The following UBAC2 variants were observed in gnomAD, a reference collection of about 807,000 sequenced individuals.
The protein encoded by UBAC2 is ubiquitin-associated domain-containing protein 2.
In UBAC2, 26 loss-of-function variants were observed where a neutral mutation model predicts 44.0. The observed-to-expected ratio is 0.59, with a 90% CI of 0.43 to 0.82. The LOEUF (loss-of-function observed/expected upper bound fraction) is 0.82, where lower values mean the gene tolerates loss of function less well. Among genes scored for constraint, UBAC2 ranks in the 40% least tolerant of loss-of-function variants. The pLI is 0.00. For synonymous variants in UBAC2, 155 were observed against 154.3 expected, an observed-to-expected ratio of 1.00 and a Z score of -0.04; for missense variants, 329 against 419.4, an observed-to-expected ratio of 0.78 and a Z score of 1.88.
intron 4 of UBAC2, among the ~76,000 whole-genome samples, chr13:99,300,753 G>C (rs542479602): frequency 6.6e-6 from 1 of 152,318 alleles, no homozygotes; most frequent in African/African-American, 2.4e-5. Context: ...GCTGTTATCT[G>C]AGTGAGGTGT....
At chr13:99,316,404 T>C (rs1381764310) in intron 5 of UBAC2, among the ~76,000 whole-genome samples, 1 of 151,930 alleles carries the variant, frequency 6.6e-6, no homozygotes, top group Non-Finnish European at 1.5e-5. Flanking sequence ...CATTGTTGAA[T>C]GAATGAATGA....
chr13:99,237,945 ACT>A (rs2043257899), intron 1 of UBAC2, among the ~76,000 whole-genome samples: 1 of 152,042 alleles, frequency 6.6e-6, no homozygotes. Flanking sequence ...ACAAAGTGAG[ACT>A]CTCTCTGGAT....
At chr13:99,256,128 A>G (rs890900757) in intron 4 of UBAC2, among the ~76,000 whole-genome samples, 7 of 152,204 alleles carry the variant, frequency 4.6e-5, no homozygotes, top group Non-Finnish European at 4.4e-5. Flanking sequence ...TCTATTGAGC[A>G]TGTAATAGGT....
intron 1 of UBAC2, among the ~76,000 whole-genome samples, chr13:99,229,613 A>G (rs2043150313): frequency 6.6e-6 from 1 of 152,232 alleles, no homozygotes; most frequent in Non-Finnish European, 1.5e-5. Context: ...AAACACACAC[A>G]GATAGTCCTT....
At chr13:99,249,226 G>A (rs750494988) in intron 4 of UBAC2, among the ~76,000 whole-genome samples, 49 of 151,018 alleles carry the variant, frequency 3.2e-4, no homozygotes, top group Non-Finnish European at 5.0e-4. Context: ...CGTGTCTGTT[G>A]CTGCCATCTT....
chr13:99,274,721 CTT>C (rs759649634), intron 4 of UBAC2, among the ~76,000 whole-genome samples: 43 of 133,624 alleles, frequency 3.2e-4, no homozygotes, highest in Non-Finnish European at 2.8e-4. Context: ...CTTTTCTTTT[CTT>C]TTTTTTTTTT....
intron 4 of UBAC2, among the ~76,000 whole-genome samples, chr13:99,275,575 C>A (rs944132833): frequency 6.6e-6 from 1 of 151,824 alleles, no homozygotes; most frequent in Non-Finnish European, 1.5e-5. Flanking sequence ...ATCCTGTTTT[C>A]ATTTTGTGGA....
chr13:99,360,045 T>C (rs1337821645), intron 7 of UBAC2, among the ~76,000 whole-genome samples: 1 of 152,252 alleles, frequency 6.6e-6, no homozygotes, highest in Non-Finnish European at 1.5e-5. Context: ...TTGGAAGTCA[T>C]TTTGGCTTTT....
At chr13:99,304,669 T>C (rs1431915731) in intron 4 of UBAC2, among the ~76,000 whole-genome samples, 1 of 152,224 alleles carries the variant, frequency 6.6e-6, no homozygotes, top group Non-Finnish European at 1.5e-5. Context: ...CCCTGGGCAC[T>C]CTATGTGTGT....
intron 4 of UBAC2, among the ~76,000 whole-genome samples, chr13:99,285,370 C>T (rs891678792): frequency 6.6e-6 from 1 of 150,598 alleles, no homozygotes; most frequent in Non-Finnish European, 1.5e-5. Flanking sequence ...TTAACTGGCT[C>T]ATTATTTATT....
At chr13:99,266,908 A>G (rs2043751222) in intron 4 of UBAC2, among the ~76,000 whole-genome samples, 1 of 152,062 alleles carries the variant, frequency 6.6e-6, no homozygotes, top group African/African-American at 2.4e-5. Context: ...ATCGTGTGGT[A>G]ATTCTGGTTT....
rs138108915 is a variant in UBAC2 at position 99,255,365 on chromosome 13, C to T, written c.389+10741C>T. Reference sequence around the variant, plus strand: ...ATGTCAGAAATCTTGAGGCAGGTGGCGGGAGTGGAGTCTTTATCTGGGTCT... The same window carrying T: ...ATGTCAGAAATCTTGAGGCAGGTGGTGGGAGTGGAGTCTTTATCTGGGTCT... On this transcript the variant is annotated intron_variant, in intron 4 of 8. Transcript: ENST00000403766. The T allele has an allele frequency of 4.3e-5, 69 of 1,613,948 alleles. 1 individual carries two copies. The highest frequency in any genetic ancestry group is 2.8e-4 in the African/African-American group (21 of 74,874).
intron 4 of UBAC2, among the ~76,000 whole-genome samples, chr13:99,249,825 C>A (rs2043436125): frequency 6.6e-6 from 1 of 151,908 alleles, no homozygotes; most frequent in Admixed American, 6.6e-5. Context: ...TTGATGATTA[C>A]CTTTGAGCAT....
At chr13:99,325,366 T>C (rs1426163679) in intron 6 of UBAC2, among the ~76,000 whole-genome samples, 3 of 152,068 alleles carry the variant, frequency 2.0e-5, no homozygotes, top group Non-Finnish European at 4.4e-5. Context: ...GCCTCCCAAA[T>C]TGCTGGGATT....
chr13:99,202,215 G>T (rs910333598), intron 1 of UBAC2, among the ~76,000 whole-genome samples: 3 of 152,098 alleles, frequency 2.0e-5, no homozygotes, highest in Admixed American at 2.0e-4. Context: ...AACTTCTCAG[G>T]TTTTGAAGTG....
At position 99,276,230 on chromosome 13, in the gene UBAC2, C is replaced by G. The variant is rs556528005; in HGVS notation, c.389+31606C>G. Among the ~76,000 whole-genome samples, 4 of 152,278 alleles carry G rather than the reference C, an allele frequency of 2.6e-5. No individual in the cohort carries two copies. The South Asian group carries it at 8.3e-4, about 32-fold the overall frequency. Reference sequence around the variant, plus strand: ...CCAGCAGTTCAATTCAGTTCTGACACTTTCTACCTGGAGTTAGTATCAGAT... The same window carrying G: ...CCAGCAGTTCAATTCAGTTCTGACAGTTTCTACCTGGAGTTAGTATCAGAT... On this transcript the variant is annotated intron_variant, in intron 4 of 8. Coordinates refer to ENST00000403766, the MANE Select transcript of UBAC2 (RefSeq NM_001144072.2).
intron 1 of UBAC2, among the ~76,000 whole-genome samples, chr13:99,211,328 T>G (rs1441409929): frequency 4.6e-5 from 7 of 152,182 alleles, no homozygotes; most frequent in Admixed American, 3.3e-4. Flanking sequence ...AGCCTGTACT[T>G]TCTACTGTAT....
Position 99,295,055 on chromosome 13 carries a change from C to A in UBAC2, c.390-19042C>A, listed in dbSNP as rs549051582. ...ACGTCACTATAAACCAAAATACAAT[C>A]CATTTCACTTTCCATTTGAAGACTT... On this transcript the variant is annotated intron_variant, in intron 4 of 8. Coordinates refer to ENST00000403766, the MANE Select transcript of UBAC2 (RefSeq NM_001144072.2). This position sits in a 1 kb window ranked among gnomAD's most constrained non-coding sequence, Gnocchi z 4.1. The A allele has an allele frequency of 3.7e-6, 6 of 1,611,430 alleles. No homozygotes were observed. Among genetic ancestry groups the A allele is most frequent in the East Asian group, 2.2e-5 (1 of 44,866 alleles).
intron 1 of UBAC2, among the ~76,000 whole-genome samples, chr13:99,233,600 C>G (rs2043200564): frequency 6.6e-6 from 1 of 152,134 alleles, no homozygotes; most frequent in South Asian, 2.1e-4. Flanking sequence ...GGGCTTCCAC[C>G]TGGACCATCT....
Sources: allele counts gnomAD v4.1 joint callset (sites outside exome capture counted in the v4.1 genomes callset), GRCh38; gene constraint gnomAD v4.1.1; non-coding constraint Gnocchi (gnomAD v3.1); transcripts MANE v1.5; gene names NCBI Gene and HGNC (gene_info 2026-07-23, HGNC 2026-07-21).